Variants in RADX observed in about 807,000 individuals in gnomAD.
RADX encodes the protein RPA1 related single stranded DNA binding protein, X-linked, also known as RPA-related protein RADX.
Under a neutral mutation model 61.6 loss-of-function variants are expected in RADX, and 36 were observed. That is an observed-to-expected ratio of 0.58 (90% CI 0.45 to 0.77). RADX has a LOEUF of 0.77. RADX is among the 30% of genes least tolerant of loss of function. The pLI, the probability that RADX is intolerant of heterozygous loss-of-function variation, is 0.00. For missense variants in RADX, 497 were observed against 651.1 expected, an observed-to-expected ratio of 0.76 and a Z score of 2.58; for synonymous variants, 272 against 237.9, an observed-to-expected ratio of 1.14 and a Z score of -1.32.
At chrX:106,655,359 T>C (rs1247686995) in intron 11 of RADX, among the ~76,000 whole-genome samples, 1 of 108,491 alleles carries the variant, frequency 9.2e-6, no homozygotes, top group Admixed American at 9.9e-5. Context: ...TTTTTTATTA[T>C]ACTTTAAGTT....
At chrX:106,644,195 A>G (rs895375782) in intron 10 of RADX, among the ~76,000 whole-genome samples, 7 of 111,461 alleles carry the variant, frequency 6.3e-5, no homozygotes, top group Non-Finnish European at 1.3e-4. Context: ...GTTTTTCCAA[A>G]TATAAAATCA....
chrX:106,628,229 C>G (rs756434315), intron 3 of RADX, among the ~76,000 whole-genome samples: 1 of 111,862 alleles, frequency 8.9e-6, no homozygotes, highest in East Asian at 2.8e-4. Context: ...AATATACAGT[C>G]CTACTCTTAA....
At chrX:106,659,383 A>G (rs1325198568) in intron 11 of RADX, among the ~76,000 whole-genome samples, 2 of 112,065 alleles carry the variant, frequency 1.8e-5, no homozygotes, top group Non-Finnish European at 3.8e-5. Flanking sequence ...TTTTAACCTT[A>G]CGACCTAAAT....
At chrX:106,643,632 T>G (rs898826405) in intron 10 of RADX, among the ~76,000 whole-genome samples, 1 of 111,684 alleles carries the variant, frequency 9.0e-6, no homozygotes, top group Non-Finnish European at 1.9e-5. Flanking sequence ...TAAAAATGAG[T>G]TCACTTTAGG....
At chrX:106,648,180 T>C in intron 10 of RADX, 133 bp from the exon 11 acceptor site, 2 of 380,296 alleles carry the variant, frequency 5.3e-6, no homozygotes, top group Admixed American at 8.5e-5. Flanking sequence ...GTTAATGTAT[T>C]ATTCAACAAA....
At chrX:106,670,041 G>T (rs1474236600) in intron 13 of RADX, among the ~76,000 whole-genome samples, 2 of 111,654 alleles carry the variant, frequency 1.8e-5, no homozygotes, top group East Asian at 5.6e-4. Context: ...GGATTTTGTG[G>T]TGGGTCTTTC....
chrX:106,635,297 A>G (rs2098527192), intron 6 of RADX, among the ~76,000 whole-genome samples: 1 of 111,776 alleles, frequency 8.9e-6, no homozygotes, highest in Non-Finnish European at 1.9e-5. Context: ...GCAAACTTCC[A>G]GAGGGGTTAA....
At chrX:106,665,541 C>T (rs980906075) in intron 12 of RADX, among the ~76,000 whole-genome samples, 17 of 109,484 alleles carry the variant, frequency 1.6e-4, no homozygotes, top group African/African-American at 5.7e-4. Flanking sequence ...TCCACCCCCT[C>T]CCCCAACCCC....
At chrX:106,654,804 G>A (rs940431688) in intron 11 of RADX, among the ~76,000 whole-genome samples, 13 of 111,724 alleles carry the variant, frequency 1.2e-4, no homozygotes, top group Admixed American at 9.5e-4. Flanking sequence ...ACTATCATCA[G>A]AGTGAACAGG....
At chrX:106,627,984 C>T (rs186901891) in intron 3 of RADX, among the ~76,000 whole-genome samples, 2 of 111,327 alleles carry the variant, frequency 1.8e-5, no homozygotes, top group Admixed American at 9.5e-5. Flanking sequence ...TACAGGCACA[C>T]GCCATCAAGC....
intron 1 of RADX, among the ~76,000 whole-genome samples, chrX:106,614,882 TGATAA>T (rs1401985143): frequency 2.7e-5 from 3 of 111,707 alleles, no homozygotes; most frequent in African/African-American, 9.8e-5. Flanking sequence ...AAATACAGCT[TGATAA>T]ATTTTCACGT....
In RADX at chrX:106,633,258, C is replaced by T. The variant is rs1435324547; in HGVS notation, c.1303+6C>T. On this transcript the variant is annotated splice_donor_region_variant and intron_variant, in intron 6 of 13. Coordinates refer to ENST00000372548, the MANE Select transcript of RADX (RefSeq NM_018015.6). ...CTTTGAAAATATTTACCCAAGTAAG[C>T]GATTTTTAATATTTTTATATTATGT... is the stretch of plus-strand genomic sequence containing the variant. 5.1e-6 allele frequency: 6 copies of T among 1,184,430 alleles called. No individual in the cohort carries two copies. Among genetic ancestry groups the T allele is most frequent in the Admixed American group, 2.3e-5 (1 of 44,419 alleles).
intron 10 of RADX, among the ~76,000 whole-genome samples, chrX:106,647,308 G>A (rs915965236): frequency 1.8e-5 from 2 of 110,803 alleles, no homozygotes; most frequent in Admixed American, 9.6e-5. Context: ...CCATGTCATT[G>A]CAAATGACAG....
intron 11 of RADX, among the ~76,000 whole-genome samples, chrX:106,653,472 A>T (rs754836271): frequency 9.0e-6 from 1 of 111,015 alleles, no homozygotes; most frequent in East Asian, 2.8e-4. Context: ...AAAAAAGTGT[A>T]GCTAATCAAT....
At chrX:106,648,584 A>G (rs1238015377) in intron 11 of RADX, among the ~76,000 whole-genome samples, 198 bp downstream of exon 11, 1 of 111,440 alleles carries the variant, frequency 9.0e-6, no homozygotes, top group Non-Finnish European at 1.9e-5. Flanking sequence ...TTTTAAACAA[A>G]CTTATACTTA....
At position 106,612,114 on chromosome X, in the gene RADX, C is replaced by T. The variant is rs774119956; in HGVS notation, c.34C>T (p.Pro12Ser). 1 of 1,210,214 alleles carries T rather than the reference C, an allele frequency of 8.3e-7. No individual in the cohort carries two copies. Residue 12 changes from proline (P) to serine (S), a missense_variant, in exon 1 of 14, where the codon CCC (proline) becomes TCC (serine). This residue lies in a region of RADX where 34 missense variants were observed against 29.1 expected (regional missense o/e 1.17). Transcript: ENST00000372548. ...TGAGTCAGGACAGCCTGAGGCTGGT[C>T]CCTCACATGCAGGGCTAGATTGGCC... is the stretch of plus-strand genomic sequence containing the variant. ...SGESGQPEAGPSHAGLDWPNP... is the reference protein window; with the variant it reads ...SGESGQPEAGSSHAGLDWPNP...
chrX:106,632,374 A>G (rs926838694), intron 3 of RADX, among the ~76,000 whole-genome samples: 1 of 111,598 alleles, frequency 9.0e-6, no homozygotes, highest in Non-Finnish European at 1.9e-5. Flanking sequence ...GGGCAAAGTG[A>G]TAAAACCCTT....
At chrX:106,655,298 T>C (rs1927908708) in intron 11 of RADX, among the ~76,000 whole-genome samples, 1 of 96,532 alleles carries the variant, frequency 1.0e-5, no homozygotes, top group Non-Finnish European at 2.0e-5. Flanking sequence ...AGTTTCTTTT[T>C]CTTTTTTTTT....
intron 10 of RADX, among the ~76,000 whole-genome samples, chrX:106,643,161 C>T (rs188783200): frequency 7.2e-4 from 80 of 111,041 alleles, no homozygotes; most frequent in South Asian, 6.0e-3. Flanking sequence ...ATCTTTTGCC[C>T]GCTTTTTATT....
Sources: gnomAD v4.1 joint callset for allele counts (sites outside exome capture counted in the v4.1 genomes callset) on GRCh38, gnomAD v4.1.1 for gene constraint, gnomAD v4.1.1 regional missense constraint, MANE v1.5 for transcripts, NCBI Gene and HGNC (gene_info 2026-07-23, HGNC 2026-07-21) for gene names.